The following UBR3 variants were observed in gnomAD, a reference collection of about 807,000 sequenced individuals.
UBR3 encodes ubiquitin protein ligase E3 component n-recognin 3.
A neutral mutation model predicts 243.2 loss-of-function variants in UBR3; 85 were observed. The observed-to-expected ratio is 0.35, with a 90% CI of 0.29 to 0.42. The LOEUF (loss-of-function observed/expected upper bound fraction) is 0.42. Ranked by LOEUF, UBR3 falls within the 10% of genes least tolerant of loss-of-function variation. The pLI is 1.00. For missense variants in UBR3, 1,686 were observed against 2,300.8 expected, an observed-to-expected ratio of 0.73 and a Z score of 5.47; for synonymous variants, 748 against 799.8, an observed-to-expected ratio of 0.94 and a Z score of 1.09.
Position 169,906,141 on chromosome 2 carries a change from C to T in UBR3, c.1756C>T (p.Leu586Phe). Residue 586 changes from leucine to phenylalanine, a missense_variant, in exon 10 of 39, where the codon CTT (leucine) becomes TTT (phenylalanine). This residue lies in a region of UBR3 where 346 missense variants were observed against 585.8 expected (regional missense o/e 0.59). Coordinates refer to ENST00000272793, the MANE Select transcript of UBR3 (RefSeq NM_172070.4). ...LEACAQPMWG[L>F]LSHCKVRETQ... ...GGCCTGTGCACAGCCAATGTGGGGG[C>T]TTTTATCACATTGTAAAGTTAGGGT... 2 of 1,546,878 alleles carry T rather than the reference C, an allele frequency of 1.3e-6. No homozygotes were observed. Among genetic ancestry groups the T allele is most frequent in the Non-Finnish European group, 1.7e-6 (2 of 1,145,632 alleles).
At chr2:169,976,019 G>T (rs892211290) in intron 24 of UBR3, among the ~76,000 whole-genome samples, 1 of 150,386 alleles carries the variant, frequency 6.6e-6, no homozygotes, top group African/African-American at 2.4e-5. Context: ...TCATTTGCTT[G>T]AAATTTTTTT....
chr2:170,040,247 TC>T (rs1295630193), intron 31 of UBR3, among the ~76,000 whole-genome samples: 1 of 152,060 alleles, frequency 6.6e-6, no homozygotes, highest in Non-Finnish European at 1.5e-5. Context: ...CAAGCAATCC[TC>T]CCACACACCA....
At chr2:169,847,078 ACT>A (rs1491377880) in intron 1 of UBR3, among the ~76,000 whole-genome samples, 1 of 117,236 alleles carries the variant, frequency 8.5e-6, no homozygotes. Flanking sequence ...CTTTTCTTAA[ACT>A]GTGTGTGTGT....
At chr2:170,057,548 T>G (rs1173150136) in intron 33 of UBR3, among the ~76,000 whole-genome samples, 2 of 152,222 alleles carry the variant, frequency 1.3e-5, no homozygotes, top group African/African-American at 4.8e-5. Context: ...AAATGTTTCC[T>G]TAGTAAGCTG....
intron 27 of UBR3, among the ~76,000 whole-genome samples, chr2:170,001,939 A>AG (rs1559175202): frequency 2.6e-5 from 3 of 116,216 alleles, no homozygotes; most frequent in East Asian, 2.7e-4. Flanking sequence ...AAAAAAAAAA[A>AG]AAAGAAAGAA....
At chr2:169,849,481 G>C (rs1383692606) in intron 1 of UBR3, among the ~76,000 whole-genome samples, 1 of 152,302 alleles carries the variant, frequency 6.6e-6, no homozygotes, top group East Asian at 1.9e-4. Flanking sequence ...TTTTAGAAGA[G>C]ATGGGGTTTC....
intron 31 of UBR3, among the ~76,000 whole-genome samples, chr2:170,039,706 T>G (rs1289737452): frequency 6.6e-6 from 1 of 152,174 alleles, no homozygotes; most frequent in Non-Finnish European, 1.5e-5. Flanking sequence ...GCTTCAGAAT[T>G]TAGCCACTTC....
chr2:169,876,570 T>TGTATTGTA (rs1553500937), intron 3 of UBR3, among the ~76,000 whole-genome samples: 6 of 151,632 alleles, frequency 4.0e-5, no homozygotes, highest in African/African-American at 7.3e-5. Flanking sequence ...TGTATTGTAT[T>TGTATTGTA]TTTTTGAGAC....
chr2:170,035,886 T>C (rs2090813053), intron 31 of UBR3, among the ~76,000 whole-genome samples: 1 of 129,034 alleles, frequency 7.7e-6, no homozygotes, highest in Non-Finnish European at 1.6e-5. Context: ...ATTTTTTTGC[T>C]AGATTTATAC....
intron 1 of UBR3, among the ~76,000 whole-genome samples, chr2:169,830,480 T>C (rs2081897123): frequency 6.6e-6 from 1 of 152,186 alleles, no homozygotes; most frequent in Admixed American, 6.5e-5. Flanking sequence ...TTATTCTCAT[T>C]GTACAGAAGA....
chr2:169,991,500 T>C (rs888177971), intron 25 of UBR3, among the ~76,000 whole-genome samples: 1 of 152,198 alleles, frequency 6.6e-6, no homozygotes, highest in African/African-American at 2.4e-5. Context: ...GTGGTCATAA[T>C]GGAATGAAAC....
intron 24 of UBR3, among the ~76,000 whole-genome samples, chr2:169,975,265 C>G (rs988581640): frequency 1.3e-5 from 2 of 152,144 alleles, no homozygotes; most frequent in Non-Finnish European, 2.9e-5. Flanking sequence ...TGTACAGTTT[C>G]AAAAGTTCCT....
chr2:169,836,067 A>ATATTTTT (rs1558999159), intron 1 of UBR3, among the ~76,000 whole-genome samples: 9 of 32,666 alleles, frequency 2.8e-4, no homozygotes, highest in Admixed American at 7.2e-4. Flanking sequence ...ATATATATAT[A>ATATTTTT]TTTTTTTTTT....
At chr2:170,080,415 TAA>T in intron 37 of UBR3, 128 bp from the exon 38 acceptor site, 1 of 1,007,462 alleles carries the variant, frequency 9.9e-7, no homozygotes, top group South Asian at 2.0e-5. Flanking sequence ...AATGGAGTTA[TAA>T]GTTTAACTTA....
At chr2:170,051,501 C>T (rs902471325) in intron 32 of UBR3, among the ~76,000 whole-genome samples, 35 of 152,078 alleles carry the variant, frequency 2.3e-4, no homozygotes, top group Admixed American at 1.2e-3. Flanking sequence ...CCCGCCACCA[C>T]GCCCGACTAA....
rs1257121177 is a variant in UBR3 at position 169,950,034 on chromosome 2, G to A, written c.3514G>A (p.Ala1172Thr). The change falls in exon 23 of 39, where the codon GCA becomes ACA. Residue 1172 changes from alanine (A) to threonine (T), a missense_variant. By Grantham distance (58) the Ala-to-Thr change is moderately conservative. Around this residue, in one of 8 missense-constraint regions of UBR3, gnomAD observed 300 missense variants for 314.4 expected, o/e 0.95. Transcript: ENST00000272793. ...TGTACCACCTAAAAAAGTCACTGCA[G>A]CAGAGAAGAAAACATTGGACAAAGA... ...PPVPPKKVTA[A>T]EKKTLDKEER... 6.3e-7 allele frequency: 1 copy of A among 1,575,612 alleles called. No individual in the cohort carries two copies. The highest frequency in any genetic ancestry group is 8.6e-7 in the Non-Finnish European group (1 of 1,165,078).
Position 169,973,450 on chromosome 2 carries a change from A to G in UBR3, c.3635-13195A>G, listed in dbSNP as rs540429269. Among the ~76,000 whole-genome samples the G allele has an allele frequency of 5.6e-3, 843 of 151,636 alleles. 6 individuals carry two copies. Among genetic ancestry groups the G allele is most frequent in the African/African-American group, 0.019 (795 of 41,286 alleles). ...CATATGGAACCAAAAAAGAGCCCGC[A>G]TCGCCAAGTCAATCCTAAGCCAAAA... On this transcript the variant is annotated intron_variant, in intron 24 of 38. Coordinates refer to ENST00000272793, the MANE Select transcript of UBR3 (RefSeq NM_172070.4).
At chr2:169,964,855 A>C in intron 24 of UBR3, 1 of 456,804 alleles carries the variant, frequency 2.2e-6, no homozygotes, top group Admixed American at 2.3e-5. Flanking sequence ...AGAACAATTG[A>C]GGGATCAGGC....
intron 20 of UBR3, among the ~76,000 whole-genome samples, chr2:169,945,065 AG>A (rs2086734174): frequency 6.6e-6 from 1 of 152,166 alleles, no homozygotes; most frequent in South Asian, 2.1e-4. Context: ...CACTATACAA[AG>A]CAAATGACAG....
Sources: allele counts gnomAD v4.1 joint callset (sites outside exome capture counted in the v4.1 genomes callset), GRCh38; gene constraint gnomAD v4.1.1; regional missense constraint gnomAD v4.1.1; transcripts MANE v1.5; gene names NCBI Gene and HGNC (gene_info 2026-07-23, HGNC 2026-07-21).